The following R3HDM2 variants were observed in gnomAD, a reference collection of about 807,000 sequenced individuals.
R3HDM2 encodes the protein R3H domain-containing protein 2.
A neutral mutation model predicts 124.5 loss-of-function variants in R3HDM2; 38 were observed. The observed-to-expected ratio is 0.31, with a 90% CI of 0.24 to 0.40. R3HDM2 has a LOEUF of 0.40. R3HDM2 is among the 10% of genes least tolerant of loss of function. The pLI is 1.00. For missense variants in R3HDM2, 869 were observed against 1,236.9 expected (o/e 0.70, Z 4.46); for synonymous variants, 391 against 448.0 (o/e 0.87, Z 1.61).
At chr12:57,327,250 T>A (rs1363775479) in intron 2 of R3HDM2, among the ~76,000 whole-genome samples, 1 of 152,038 alleles carries the variant, frequency 6.6e-6, no homozygotes, top group African/African-American at 2.4e-5. Context: ...GCAGATCACC[T>A]GAGGTTAGGA....
intron 2 of R3HDM2, among the ~76,000 whole-genome samples, chr12:57,343,822 C>A (rs1291740882): frequency 6.7e-6 from 1 of 149,748 alleles, no homozygotes; most frequent in African/African-American, 2.5e-5. Flanking sequence ...AGATGAGAAG[C>A]CTTAGGGGGT....
At chr12:57,431,122 C>A (rs1869821163), upstream of R3HDM2, 2 of 152,302 alleles carry the variant, frequency 1.3e-5, no homozygotes, top group Non-Finnish European at 2.9e-5. Flanking sequence ...CCTCAGCAGC[C>A]CTGCGGGGCC....
intron 2 of R3HDM2, among the ~76,000 whole-genome samples, chr12:57,331,421 A>T (rs1265843103): frequency 6.6e-6 from 1 of 152,156 alleles, no homozygotes; most frequent in Non-Finnish European, 1.5e-5. Context: ...GTCGTTTATC[A>T]TTGTCAAACT....
intron 2 of R3HDM2, among the ~76,000 whole-genome samples, chr12:57,372,315 C>T (rs934855075): frequency 4.6e-5 from 7 of 151,748 alleles, no homozygotes; most frequent in Non-Finnish European, 8.8e-5. Flanking sequence ...ATTCAGCTCC[C>T]AACAATGATA....
chr12:57,272,743 C>T (rs574572249), intron 14 of R3HDM2, among the ~76,000 whole-genome samples: 12 of 152,240 alleles, frequency 7.9e-5, no homozygotes, highest in Non-Finnish European at 1.3e-4. Context: ...AAGCCCGGGA[C>T]AGCTTGAAGA....
At chr12:57,304,905 C>T (rs6581134) in intron 3 of R3HDM2, among the ~76,000 whole-genome samples, 66,201 of 152,052 alleles carry the variant, frequency 0.44, 15,168 homozygotes, top group South Asian at 0.52. Context: ...AATATATTGG[C>T]TGGGGGCGGT....
At chr12:57,334,756 T>C (rs942563332) in intron 2 of R3HDM2, among the ~76,000 whole-genome samples, 2 of 152,064 alleles carry the variant, frequency 1.3e-5, no homozygotes, top group East Asian at 1.9e-4. Context: ...TAGGGATATA[T>C]TGAGGAATCA....
intron 1 of R3HDM2, among the ~76,000 whole-genome samples, chr12:57,425,991 G>A (rs1456811057): frequency 6.6e-6 from 1 of 152,158 alleles, no homozygotes; most frequent in Non-Finnish European, 1.5e-5. Context: ...ACTTCGGGAG[G>A]CCGAGGCGGG....
intron 14 of R3HDM2, among the ~76,000 whole-genome samples, chr12:57,279,345 G>A (rs1352159749): frequency 1.3e-5 from 2 of 151,448 alleles, no homozygotes; most frequent in African/African-American, 4.9e-5. Flanking sequence ...ACCATACGTG[G>A]CTAATTTTTG....
chr12:57,345,703 C>A (rs2060022614), intron 2 of R3HDM2, among the ~76,000 whole-genome samples: 2 of 152,064 alleles, frequency 1.3e-5, no homozygotes, highest in Non-Finnish European at 2.9e-5. Context: ...CCCATGCCCC[C>A]TAATCTATAT....
chr12:57,380,761 GCTTT>G (rs1195496682), intron 2 of R3HDM2, among the ~76,000 whole-genome samples: 1 of 151,786 alleles, frequency 6.6e-6, no homozygotes, highest in Non-Finnish European at 1.5e-5. Flanking sequence ...AAAATTCAAA[GCTTT>G]CTTAAAAAAA....
chr12:57,298,888 G>A (rs972296041), intron 6 of R3HDM2, among the ~76,000 whole-genome samples: 34 of 152,174 alleles, frequency 2.2e-4, no homozygotes, highest in African/African-American at 7.2e-4. Flanking sequence ...GCTTGAACTC[G>A]GGAGGCGAAG....
intron 14 of R3HDM2, among the ~76,000 whole-genome samples, chr12:57,274,764 G>A (rs531867580): frequency 2.0e-4 from 30 of 152,302 alleles, no homozygotes; most frequent in Admixed American, 1.0e-3. Flanking sequence ...TAACCAAGGA[G>A]TTGAAAGACC....
rs77775522 is a variant in R3HDM2, at chr12:57,331,185, T to C, written c.-35-20722A>G. Among the ~76,000 whole-genome samples, 61 of 152,284 alleles carry C rather than the reference T, an allele frequency of 4.0e-4. No individual in the cohort carries two copies. The East Asian group carries it at 0.012, about 29-fold the overall frequency. On this transcript the variant is annotated intron_variant, in intron 2 of 23. Coordinates refer to ENST00000402412, the MANE Select transcript of R3HDM2 (RefSeq NM_001394031.1). The stretch of plus-strand genomic sequence containing the variant: ...TTTACTTCCACTTTCACCCCTACCA[T>C]AGTATTTTGTAAACAGCAGCCACAA...
At chr12:57,428,898 C>T (rs975572026) in intron 1 of R3HDM2, among the ~76,000 whole-genome samples, 5 of 151,934 alleles carry the variant, frequency 3.3e-5, no homozygotes, top group African/African-American at 1.2e-4. Flanking sequence ...AGGTGCCTGC[C>T]ACCACGCCTG....
intron 19 of R3HDM2, among the ~76,000 whole-genome samples, chr12:57,263,896 T>C (rs1356795236): frequency 2.0e-5 from 3 of 152,170 alleles, no homozygotes; most frequent in African/African-American, 7.2e-5. Context: ...AAATATTCCA[T>C]TTCTAAATAG....
intron 1 of R3HDM2, among the ~76,000 whole-genome samples, chr12:57,402,061 G>A (rs113229733): frequency 0.057 from 8,553 of 151,376 alleles, 694 homozygotes; most frequent in African/African-American, 0.18. Context: ...TTGGGAGGCC[G>A]TGGCAGGTAG....
At chr12:57,291,373 G>A (rs1337766229) in intron 11 of R3HDM2, among the ~76,000 whole-genome samples, 1 of 151,982 alleles carries the variant, frequency 6.6e-6, no homozygotes, top group Non-Finnish European at 1.5e-5. Context: ...ACCATCTTTT[G>A]CCAGGCACAG....
intron 2 of R3HDM2, among the ~76,000 whole-genome samples, chr12:57,386,244 T>C (rs960411875): frequency 6.6e-6 from 1 of 152,206 alleles, no homozygotes; most frequent in Non-Finnish European, 1.5e-5. Flanking sequence ...ACCGCTGCAC[T>C]GTGGGAGCTC....
Sources: allele counts gnomAD v4.1 joint callset (sites outside exome capture counted in the v4.1 genomes callset), GRCh38; gene constraint gnomAD v4.1.1; transcripts MANE v1.5; gene names NCBI Gene and HGNC (gene_info 2026-07-23, HGNC 2026-07-21).